The following TAL1 variants were observed in gnomAD, a reference collection of about 807,000 sequenced individuals.
TAL1 encodes the protein TAL bHLH transcription factor 1, erythroid differentiation factor.
TAL1 carries 8 observed loss-of-function variants against 17.9 expected under a neutral mutation model. The ratio of observed to expected loss-of-function variants is 0.45; its 90% CI spans 0.26 to 0.81. The LOEUF is 0.81. TAL1 is among the 30% of genes least tolerant of loss of function. The pLI, the probability that TAL1 is intolerant of heterozygous loss-of-function variation, is 0.17. For synonymous variants in TAL1, 223 were observed against 218.6 expected, an observed-to-expected ratio of 1.02 and a Z score of -0.18; for missense variants, 466 against 486.9, an observed-to-expected ratio of 0.96 and a Z score of 0.40.
exon 2 of TAL1, chr1:47,225,443 C>G: frequency 8.1e-7 from 1 of 1,231,450 alleles, no homozygotes; most frequent in Non-Finnish European, 1.0e-6. Flanking sequence ...GGCCCCTGAC[C>G]TGCCGAGAGA....
chr1:47,224,715 G>A (rs912282252), intron 2 of TAL1, among the ~76,000 whole-genome samples: 3 of 152,116 alleles, frequency 2.0e-5, no homozygotes, highest in Non-Finnish European at 4.4e-5. Flanking sequence ...GCTCTGTCTC[G>A]GGTGCCCGCC....
At chr1:47,223,961 C>T (rs1470581626) in intron 3 of TAL1, 43 bp downstream of exon 4, 2 of 1,580,224 alleles carry the variant, frequency 1.3e-6, no homozygotes, top group Admixed American at 1.7e-5. Context: ...GGGCTCTAAC[C>T]AGCGTGAGGG....
At chr1:47,219,343 A>G (rs764749756) in exon 4 of TAL1, 22 of 544,760 alleles carry the variant, frequency 4.0e-5, no homozygotes, top group South Asian at 1.4e-4. Context: ...CAAGGCAGAG[A>G]CTGCTGGATG....
intron 3 of TAL1, among the ~76,000 whole-genome samples, chr1:47,222,601 T>C (rs1418347941): frequency 2.6e-5 from 4 of 152,108 alleles, no homozygotes; most frequent in Non-Finnish European, 5.9e-5. Context: ...CAGTGTCCCC[T>C]AGACACATCC....
chr1:47,217,451 C>G (rs1557670008), exon 4 of TAL1: 4 of 397,980 alleles, frequency 1.0e-5, no homozygotes, highest in Non-Finnish European at 4.4e-6. Flanking sequence ...CTCAATAACT[C>G]AGGCCAAAGC....
At chr1:47,223,739 T>G (rs1005270879) in intron 3 of TAL1, 7 of 393,788 alleles carry the variant, frequency 1.8e-5, no homozygotes, top group Non-Finnish European at 2.8e-5. Flanking sequence ...GGGAACTAAC[T>G]CCAGAGGTTT....
At chr1:47,217,387 T>TCTCA (rs1645517330) in exon 4 of TAL1, 3 of 353,340 alleles carry the variant, frequency 8.5e-6, no homozygotes, top group South Asian at 3.1e-4. Flanking sequence ...ACACCGTCTC[T>TCTCA]CACACACACA....
chr1:47,225,543 C>A (rs1019542557), exon 2 of TAL1: 4 of 1,270,456 alleles, frequency 3.1e-6, no homozygotes, highest in African/African-American at 1.6e-5. Flanking sequence ...ACCATGCGGC[C>A]GTCGCCGGGC....
chr1:47,216,388 C>T, exon 4 of TAL1: 1 of 227,450 alleles, frequency 4.4e-6, no homozygotes, highest in Non-Finnish European at 8.8e-6. Flanking sequence ...AAGAGTCACA[C>T]ACCCACAGTG....
chr1:47,221,394 G>C (rs568809062), intron 3 of TAL1, among the ~76,000 whole-genome samples: 2 of 152,286 alleles, frequency 1.3e-5, no homozygotes, highest in African/African-American at 4.8e-5. Context: ...CATGTATAAA[G>C]ACTTATGGAG....
exon 2 of TAL1, chr1:47,225,456 C>A (rs1643892385): frequency 8.1e-7 from 1 of 1,232,016 alleles, no homozygotes; most frequent in South Asian, 4.1e-5. Context: ...CCGAGAGAGG[C>A]CAGCGGCTGG....
Position 47,225,996 on chromosome 1 carries a change from A to G in TAL1, c.-1-107T>C, listed in dbSNP as rs932533596. ...GAAGGGCAGAGAGAGGAACTCACGC[A>G]CCGAGACGTGAGAAGAGGCAGACAA... is the stretch of plus-strand genomic sequence containing the variant. On this transcript the variant is annotated intron_variant, in intron 1 of 3. Transcript: ENST00000294339. 4.9e-6 allele frequency: 5 copies of G among 1,020,556 alleles called. No individual in the cohort carries two copies. In the Admixed American group the frequency reaches 1.7e-4, roughly 35 times the overall value. The allele number at this position is 1,020,556 out of a possible 1,614,324, so 63.2% of individuals were successfully genotyped here.
exon 4 of TAL1, chr1:47,216,867 A>C (rs1197196095): frequency 4.3e-6 from 1 of 231,310 alleles, no homozygotes; most frequent in African/African-American, 2.2e-5. Context: ...CCAGTTTTTC[A>C]TGGGTAACAA....
chr1:47,220,163 T>G, exon 4 of TAL1: 1 of 1,565,090 alleles, frequency 6.4e-7, no homozygotes, highest in Non-Finnish European at 8.7e-7. Flanking sequence ...CGCACAACTT[T>G]GGTGTGGGGA....
At chr1:47,219,813 C>G in exon 4 of TAL1, 1 of 1,608,298 alleles carries the variant, frequency 6.2e-7, no homozygotes, top group Non-Finnish European at 8.5e-7. Flanking sequence ...TGTAGCTGTC[C>G]GGGCTGGCTG....
intron 2 of TAL1, among the ~76,000 whole-genome samples, chr1:47,224,322 C>A (rs1268615369): frequency 6.6e-6 from 1 of 151,728 alleles, no homozygotes; most frequent in East Asian, 1.9e-4. Context: ...GAAAAGACAC[C>A]TAACCACACA....
In TAL1 at chr1:47,225,435, C is replaced by T; in HGVS notation, c.446+8G>A. 1 of 1,231,154 alleles carries T rather than the reference C, an allele frequency of 8.1e-7. No homozygotes were observed. Among genetic ancestry groups the T allele is most frequent in the Non-Finnish European group, 1.0e-6 (1 of 987,966 alleles). The allele number at this position is 1,231,154 out of a possible 1,614,324, so 76.3% of individuals were successfully genotyped here. A position where few individuals can be genotyped will look rare whatever the true frequency, so the allele number is the denominator to read the frequency against. On this transcript the variant is annotated splice_region_variant and intron_variant, in intron 2 of 3. Coordinates refer to ENST00000294339, the Ensembl canonical transcript of TAL1. Reference sequence around the variant, plus strand: ...CCAGCCCCTGGCCCCTGGCCCCTGGCCCCTGACCTGCCGAGAGAGGCCAGC... The same window carrying T: ...CCAGCCCCTGGCCCCTGGCCCCTGGTCCCTGACCTGCCGAGAGAGGCCAGC...
At chr1:47,218,188 C>T (rs1327013133) in exon 4 of TAL1, 1 of 236,320 alleles carries the variant, frequency 4.2e-6, no homozygotes, top group African/African-American at 2.2e-5. Flanking sequence ...AAGGCAGAGC[C>T]TAGAGGGAGA....
intron 2 of TAL1, among the ~76,000 whole-genome samples, chr1:47,224,951 A>T (rs1569910115): frequency 6.6e-6 from 1 of 152,216 alleles, no homozygotes; most frequent in East Asian, 1.9e-4. Flanking sequence ...GATTCGGGGG[A>T]GGGTGCCTCT....
Sources: gnomAD v4.1 joint callset for allele counts (sites outside exome capture counted in the v4.1 genomes callset) on GRCh38, gnomAD v4.1.1 for gene constraint, MANE v1.5 for transcripts, NCBI Gene and HGNC (gene_info 2026-07-23, HGNC 2026-07-21) for gene names.